Variants in UGT1A8 observed in about 807,000 individuals in gnomAD.
The protein encoded by UGT1A8 is UDP-glucuronosyltransferase 1A8.
In UGT1A8, 39 loss-of-function variants were observed where a neutral mutation model predicts 45.3. That is an observed-to-expected ratio of 0.86 (90% CI 0.67 to 1.12). The LOEUF (loss-of-function observed/expected upper bound fraction) is 1.12. UGT1A8 is among the 50% of genes most tolerant of loss of function. UGT1A8 has a pLI of 0.00. For missense variants in UGT1A8, 719 were observed against 664.9 expected (o/e 1.08, Z -0.90); for synonymous variants, 275 against 249.2 (o/e 1.10, Z -0.97).
chr2:233,675,642 GT>G (rs961172553), intron 1 of UGT1A8, among the ~76,000 whole-genome samples: 2 of 152,210 alleles, frequency 1.3e-5, no homozygotes, highest in African/African-American at 4.8e-5. Flanking sequence ...TATTTTCAAA[GT>G]TTTCAAACAT....
At chr2:233,748,000 T>C in intron 1 of UGT1A8, 1 of 1,613,538 alleles carries the variant, frequency 6.2e-7, no homozygotes, top group East Asian at 2.2e-5. Context: ...GACTTTGTGA[T>C]GGATTACCCC....
At position 233,761,035 on chromosome 2, in the gene UGT1A8, T is replaced by C. The variant is rs57307513; in HGVS notation, c.856-5999T>C. On this transcript the variant is annotated intron_variant, in intron 1 of 4. Transcript: ENST00000373450. ...GGTGACTGTCCAGGACCTATTGAGC[T>C]CTGCATCTGTCTGGCTGTTTAGAAG... The C allele has an allele frequency of 4.4e-4, 717 of 1,614,210 alleles. No individual in the cohort carries two copies. Among genetic ancestry groups the C allele is most frequent in the Non-Finnish European group, 5.5e-4 (645 of 1,180,032 alleles).
chr2:233,759,924 C>T (rs887829), intron 1 of UGT1A8, among the ~76,000 whole-genome samples: 54,890 of 151,920 alleles, frequency 0.36, 10,314 homozygotes, highest in African/African-American at 0.45. Context: ...TGTTTAATTT[C>T]TGGAAAAGAA....
chr2:233,618,567 G>A lies in UGT1A8; in HGVS notation c.855+5G>A, dbSNP rs1559310630. 6.2e-7 allele frequency: 1 copy of A among 1,611,952 alleles called. No individual in the cohort carries two copies. Among genetic ancestry groups the A allele is most frequent in the Admixed American group, 1.7e-5 (1 of 59,954 alleles). ...CAGGGAAAGCCATTGCCTATGGTAA[G>A]TCACCTCTCCTTTAGCACATTAGGA... On this transcript the variant is annotated splice_donor_5th_base_variant and intron_variant, in intron 1 of 4. Transcript: ENST00000373450.
intron 1 of UGT1A8, chr2:233,743,796 C>T (rs774777752): frequency 7.3e-7 from 1 of 1,367,346 alleles, no homozygotes; most frequent in South Asian, 1.1e-5. Flanking sequence ...CTCTCCGCTT[C>T]CTCCTTGTTC....
chr2:233,668,546 T>C (rs1167992535), intron 1 of UGT1A8, among the ~76,000 whole-genome samples: 2 of 152,224 alleles, frequency 1.3e-5, no homozygotes, highest in African/African-American at 4.8e-5. Flanking sequence ...AGTACCATGA[T>C]TTATAATCCT....
At chr2:233,701,701 C>T (rs1051728567) in intron 1 of UGT1A8, among the ~76,000 whole-genome samples, 4 of 152,128 alleles carry the variant, frequency 2.6e-5, no homozygotes, top group African/African-American at 7.2e-5. Flanking sequence ...CACTCAAAAC[C>T]GCTCAACTAC....
At chr2:233,736,410 T>C (rs1179819701) in intron 1 of UGT1A8, among the ~76,000 whole-genome samples, 1 of 152,232 alleles carries the variant, frequency 6.6e-6, no homozygotes, top group Non-Finnish European at 1.5e-5. Flanking sequence ...TAGGCATTCA[T>C]CTAACCTTTT....
At chr2:233,754,037 T>C (rs1376554387) in intron 1 of UGT1A8, among the ~76,000 whole-genome samples, 1 of 152,244 alleles carries the variant, frequency 6.6e-6, no homozygotes, top group Non-Finnish European at 1.5e-5. Context: ...ATGCATCCAC[T>C]TTGCCAGGTT....
chr2:233,683,575 C>T (rs1414087117), intron 1 of UGT1A8, among the ~76,000 whole-genome samples: 1 of 152,106 alleles, frequency 6.6e-6, no homozygotes, highest in Non-Finnish European at 1.5e-5. Flanking sequence ...TTACATCTTC[C>T]TACTCAAGAA....
At chr2:233,743,788 C>T (rs1478609008) in intron 1 of UGT1A8, 1 of 1,367,378 alleles carries the variant, frequency 7.3e-7, no homozygotes, top group Admixed American at 1.9e-5. Flanking sequence ...TGAATCTCCT[C>T]TCCGCTTCCT....
At chr2:233,768,734 C>T (rs1487456172) in intron 4 of UGT1A8, among the ~76,000 whole-genome samples, 1 of 151,720 alleles carries the variant, frequency 6.6e-6, no homozygotes, top group Non-Finnish European at 1.5e-5. Context: ...AGGTGTCCAC[C>T]ACCACGCCCG....
At chr2:233,712,664 G>GT (rs2076247267) in intron 1 of UGT1A8, among the ~76,000 whole-genome samples, 1 of 152,174 alleles carries the variant, frequency 6.6e-6, no homozygotes, top group African/African-American at 2.4e-5. Flanking sequence ...TAAGAGAGAA[G>GT]TAGGAGACAG....
At chr2:233,622,946 C>G (rs2073035191) in intron 1 of UGT1A8, among the ~76,000 whole-genome samples, 3 of 152,172 alleles carry the variant, frequency 2.0e-5, no homozygotes, top group Admixed American at 2.0e-4. Context: ...CTACATATGG[C>G]TAGCCAGTTT....
intron 1 of UGT1A8, among the ~76,000 whole-genome samples, chr2:233,707,191 C>A (rs976926305): frequency 6.6e-6 from 1 of 152,094 alleles, no homozygotes; most frequent in Non-Finnish European, 1.5e-5. Flanking sequence ...GCCTGCCCTC[C>A]GTTCTATTCC....
At chr2:233,648,859 A>G (rs2073669566) in intron 1 of UGT1A8, 1 of 1,227,434 alleles carries the variant, frequency 8.1e-7, no homozygotes, top group East Asian at 2.9e-5. Flanking sequence ...TGCCTTAAAC[A>G]TAGCCTCTGA....
At chr2:233,728,018 G>A (rs774114702) in intron 1 of UGT1A8, among the ~76,000 whole-genome samples, 4 of 152,350 alleles carry the variant, frequency 2.6e-5, no homozygotes, top group Non-Finnish European at 5.9e-5. Context: ...ACATGTGGGA[G>A]TGACTTTCTG....
At chr2:233,631,371 G>A (rs1057360218) in intron 1 of UGT1A8, among the ~76,000 whole-genome samples, 13 of 152,202 alleles carry the variant, frequency 8.5e-5, no homozygotes, top group Non-Finnish European at 1.6e-4. Flanking sequence ...GGATTGCTGG[G>A]TCAAATGGTA....
At chr2:233,751,618 G>A (rs1295625249) in intron 1 of UGT1A8, among the ~76,000 whole-genome samples, 1 of 152,174 alleles carries the variant, frequency 6.6e-6, no homozygotes, top group East Asian at 1.9e-4. Context: ...GAGGTGATTG[G>A]ATCATGTGTG....
Sources: gnomAD v4.1 joint callset for allele counts (sites outside exome capture counted in the v4.1 genomes callset) on GRCh38, gnomAD v4.1.1 for gene constraint, MANE v1.5 for transcripts, NCBI Gene and HGNC (gene_info 2026-07-23, HGNC 2026-07-21) for gene names.